AMZ1: variants seen among roughly 807,000 people sequenced by gnomAD.
The protein encoded by AMZ1 is archaemetzincin-1.
In AMZ1, 39 loss-of-function variants were observed where a neutral mutation model predicts 29.9. The ratio of observed to expected loss-of-function variants is 1.30; its 90% CI spans 1.01 to 1.70. The LOEUF is 1.70. Among genes scored for constraint, AMZ1 ranks in the 40% most tolerant of loss-of-function variants. The pLI is 0.00. For missense variants in AMZ1, 1,041 were observed against 680.6 expected, an observed-to-expected ratio of 1.53 and a Z score of -5.89; for synonymous variants, 458 against 304.0, an observed-to-expected ratio of 1.51 and a Z score of -5.27.
In AMZ1 at chr7:2,744,265, C is replaced by G. The variant is rs538800097; in HGVS notation, n.551-20447C>G. Among the ~76,000 whole-genome samples, 54 of 152,308 alleles carry G rather than the reference C, an allele frequency of 3.5e-4. No individual in the cohort carries two copies. The Middle Eastern group carries it at 0.01, about 29-fold the overall frequency. The stretch of plus-strand genomic sequence containing the variant: ...CCTGAGTAGCCTAACTGGGAGGCAC[C>G]CCCCAGTAGGGGCGGACTGACACCT... On this transcript the variant is annotated intron_variant and non_coding_transcript_variant, in intron 4 of 4. Transcript: ENST00000489665.
chr7:2,695,703 C>T (rs998603973), intron 1 of AMZ1, among the ~76,000 whole-genome samples: 1 of 150,292 alleles, frequency 6.7e-6, no homozygotes, highest in Non-Finnish European at 1.5e-5. Flanking sequence ...ACAGGGAGAT[C>T]CTGTCTCATT....
intron 4 of AMZ1, among the ~76,000 whole-genome samples, chr7:2,740,602 T>A (rs1482221014): frequency 1.3e-5 from 2 of 152,132 alleles, no homozygotes; most frequent in African/African-American, 2.4e-5. Context: ...ATTATGAACT[T>A]GTGGATTTTC....
rs950863033 is a variant in AMZ1, at chr7:2,718,439, G to A, written c.*5561G>A. Among the ~76,000 whole-genome samples the A allele has an allele frequency of 1.3e-5, 2 of 152,188 alleles. No individual in the cohort carries two copies. Among genetic ancestry groups the A allele is most frequent in the African/African-American group, 4.8e-5 (2 of 41,450 alleles). On this transcript the variant is annotated 3_prime_UTR_variant, in exon 7 of 7. Coordinates refer to ENST00000683327, the MANE Select transcript of AMZ1 (RefSeq NM_001384743.1). ...ACCGCGCTTTGTGAGTCTGTCTCGT[G>A]GGCCTCCTTCAGTGGTCTGTGACCA...
At chr7:2,734,749 G>A (rs56356906) in intron 4 of AMZ1, among the ~76,000 whole-genome samples, 16,235 of 152,262 alleles carry the variant, frequency 0.11, 1,010 homozygotes, top group Middle Eastern at 0.18. Flanking sequence ...AGAAACACAC[G>A]TCTCCCCATC....
chr7:2,718,553 G>A lies in AMZ1; in HGVS notation c.*5675G>A, dbSNP rs755081078. ...GCGCCCACTCACCTGGCACGTGGAC[G>A]AAGGTGATGAGCGCGGCTGACGGCT... On this transcript the variant is annotated 3_prime_UTR_variant, in exon 7 of 7. Coordinates refer to ENST00000683327, the MANE Select transcript of AMZ1 (RefSeq NM_001384743.1). Among the ~76,000 whole-genome samples the A allele has an allele frequency of 2.0e-5, 3 of 152,238 alleles. No individual in the cohort carries two copies. Among genetic ancestry groups the A allele is most frequent in the Non-Finnish European group, 2.9e-5 (2 of 68,046 alleles).
upstream of AMZ1, among the ~76,000 whole-genome samples, chr7:2,759,915 G>A (rs1003021077): frequency 6.6e-6 from 1 of 152,212 alleles, no homozygotes; most frequent in African/African-American, 2.4e-5. Context: ...TCCGCTCCCT[G>A]CTTTCTGCCA....
intron 4 of AMZ1, chr7:2,728,429 CTA>C (rs1235891460): frequency 1.3e-5 from 2 of 152,170 alleles, no homozygotes; most frequent in African/African-American, 4.8e-5. Context: ...CTAGAGATCT[CTA>C]TAAATTACAG....
chr7:2,738,716 A>T (rs966145737), intron 4 of AMZ1, among the ~76,000 whole-genome samples: 1 of 152,220 alleles, frequency 6.6e-6, no homozygotes, highest in Non-Finnish European at 1.5e-5. Flanking sequence ...TAATTAAAAA[A>T]AAATTAAATA....
chr7:2,739,656 A>C (rs1282291378), intron 4 of AMZ1, among the ~76,000 whole-genome samples: 2 of 152,096 alleles, frequency 1.3e-5, no homozygotes. Flanking sequence ...CCTAGGAGTG[A>C]AACTGTAGCA....
At chr7:2,708,817 C>T (rs77345769) in intron 4 of AMZ1, 101 bp downstream of exon 4, 54 of 1,558,166 alleles carry the variant, frequency 3.5e-5, no homozygotes, top group Admixed American at 6.9e-5. Context: ...TTCAAGCACC[C>T]TCCTGGTGGA....
intron 1 of AMZ1, among the ~76,000 whole-genome samples, chr7:2,696,385 T>C (rs1164455197): frequency 6.6e-6 from 1 of 150,560 alleles, no homozygotes; most frequent in Admixed American, 6.6e-5. Flanking sequence ...GCCTCCCAAG[T>C]AGCTGGGACT....
In AMZ1 at chr7:2,759,369, C is replaced by T. The variant is rs76607895; in HGVS notation, n.551-5343C>T. Among the ~76,000 whole-genome samples the T allele has an allele frequency of 9.9e-3, 1,506 of 152,208 alleles. 11 individuals carry two copies. The highest frequency in any genetic ancestry group is 0.075 in the Middle Eastern group (22 of 294). On this transcript the variant is annotated intron_variant and non_coding_transcript_variant, in intron 4 of 4. Coordinates refer to the AMZ1 transcript ENST00000489665. ...CTATGTGCCTGCACTGTTCTAAGGG[C>T]CTCCCCCATATCACCTTCATTCTCA...
At chr7:2,705,501 C>G (rs987315527) in intron 3 of AMZ1, among the ~76,000 whole-genome samples, 1 of 152,184 alleles carries the variant, frequency 6.6e-6, no homozygotes, top group African/African-American at 2.4e-5. Context: ...GCTCTCTACC[C>G]CTCTACCGGC....
At chr7:2,741,687 CT>C (rs1337201778) in intron 4 of AMZ1, among the ~76,000 whole-genome samples, 4 of 152,078 alleles carry the variant, frequency 2.6e-5, no homozygotes, top group Non-Finnish European at 4.4e-5. Flanking sequence ...CGCTCGCTCT[CT>C]TTCAATACAC....
At chr7:2,707,632 C>T (rs1462155967) in intron 3 of AMZ1, among the ~76,000 whole-genome samples, 5 of 152,038 alleles carry the variant, frequency 3.3e-5, no homozygotes, top group Non-Finnish European at 5.9e-5. Flanking sequence ...GGGTCAGGAG[C>T]GCCCCCACTG....
intron 4 of AMZ1, among the ~76,000 whole-genome samples, chr7:2,759,039 C>A (rs1473564380): frequency 6.6e-6 from 1 of 151,892 alleles, no homozygotes; most frequent in Non-Finnish European, 1.5e-5. Flanking sequence ...ACTGGGGAGG[C>A]TGAGGCAGGA....
At position 2,716,072 on chromosome 7, in the gene AMZ1, G is replaced by A. The variant is rs970024195; in HGVS notation, c.*3194G>A. ...GTAAGCCAAGTCAGCGGGGCCTCAT[G>A]GAGCTAAAAATAGTTTCAGGTCATG... On this transcript the variant is annotated 3_prime_UTR_variant, in exon 7 of 7. Coordinates refer to ENST00000683327, the MANE Select transcript of AMZ1 (RefSeq NM_001384743.1). 7.9e-5 allele frequency: 12 copies of A among 152,220 alleles called. No individual in the cohort carries two copies. Among genetic ancestry groups the A allele is most frequent in the Admixed American group, 5.9e-4 (9 of 15,282 alleles). The allele number at this position is 152,220 out of a possible 1,614,324, so 9.4% of individuals were successfully genotyped here.
At chr7:2,724,580 C>T (rs1381934781), downstream of AMZ1, among the ~76,000 whole-genome samples, 3 of 152,174 alleles carry the variant, frequency 2.0e-5, no homozygotes, top group East Asian at 1.9e-4. Flanking sequence ...TGTGTCGGCC[C>T]GGCAGGAAAT....
chr7:2,750,475 C>G (rs1790980263), intron 4 of AMZ1, among the ~76,000 whole-genome samples: 2 of 152,214 alleles, frequency 1.3e-5, no homozygotes. Flanking sequence ...CCAACCTTAT[C>G]TATATTGTTT....
Sources: allele counts gnomAD v4.1 joint callset (sites outside exome capture counted in the v4.1 genomes callset), GRCh38; gene constraint gnomAD v4.1.1; transcripts MANE v1.5; gene names NCBI Gene and HGNC (gene_info 2026-07-23, HGNC 2026-07-21).